The following TTC16 variants were observed in gnomAD, a reference collection of about 807,000 sequenced individuals.
TTC16 encodes tetratricopeptide repeat domain 16.
In TTC16, 66 loss-of-function variants were observed where a neutral mutation model predicts 80.4. The ratio of observed to expected loss-of-function variants is 0.82; its 90% CI spans 0.67 to 1.01. The LOEUF is 1.01. TTC16 is among the 50% of genes least tolerant of loss of function. The pLI is 0.00. For synonymous variants in TTC16, 438 were observed against 451.3 expected (o/e 0.97, Z 0.37); for missense variants, 1,070 against 1,103.2 (o/e 0.97, Z 0.43).
In TTC16 at chr9:127,722,293, A is replaced by G. The variant is rs1332482829; in HGVS notation, c.658-826A>G. On this transcript the variant is annotated intron_variant, in intron 6 of 13. Transcript: ENST00000373289. The surrounding 1 kb of genome is among the most constrained non-coding windows in gnomAD (Gnocchi z 4.2). Reference sequence around the variant, plus strand: ...CCTGCCAGCCAGTCACCCCGCAGGGAACAGGGTGTTGTTGAACTGTCTGTT... The same window carrying G: ...CCTGCCAGCCAGTCACCCCGCAGGGGACAGGGTGTTGTTGAACTGTCTGTT... Among the ~76,000 whole-genome samples the G allele has an allele frequency of 6.6e-6, 1 of 152,126 alleles. No individual in the cohort carries two copies. Among genetic ancestry groups the G allele is most frequent in the Non-Finnish European group, 1.5e-5 (1 of 68,020 alleles).
intron 12 of TTC16, 179 bp from the exon 13 acceptor site, chr9:127,729,402 G>A (rs972756875): frequency 5.2e-6 from 3 of 580,548 alleles, no homozygotes; most frequent in East Asian, 2.9e-5. Flanking sequence ...TAGCCTGGTC[G>A]CTCCCCTTCC....
chr9:127,727,025 G>C lies in TTC16; in HGVS notation c.1481G>C (p.Ser494Thr). The change falls in exon 11 of 14, where the codon AGC (serine) becomes ACC (threonine). Residue 494 changes from serine to threonine, a missense_variant. Transcript: ENST00000373289. ...FPGMSVEEVL[S>T]TQIAHLARLQ... is the part of the protein sequence containing the mutation. ...GGCATGTCGGTGGAGGAGGTGCTTA[G>C]CACCCAGATAGCCCACCTGGCCAGG... is the stretch of plus-strand genomic sequence containing the variant. 1 of 1,612,884 alleles carries C rather than the reference G, an allele frequency of 6.2e-7. No homozygotes were observed. Among genetic ancestry groups the C allele is most frequent in the Non-Finnish European group, 8.5e-7 (1 of 1,180,006 alleles).
chr9:127,717,114 T>G, intron 2 of TTC16, 98 bp downstream of exon 2: 1 of 1,462,634 alleles, frequency 6.8e-7, no homozygotes, highest in Non-Finnish European at 9.4e-7. Flanking sequence ...CAGGCCTCAG[T>G]GAACTCAACT....
At chr9:127,717,557 T>A in intron 3 of TTC16, 72 bp from the exon 4 acceptor site, 1 of 1,586,716 alleles carries the variant, frequency 6.3e-7, no homozygotes, top group Non-Finnish European at 8.6e-7. Flanking sequence ...CTCAGGGGGG[T>A]GGAGACTTTC....
chr9:127,723,075 C>A (rs773363628), intron 6 of TTC16, 44 bp from the exon 7 acceptor site: 3 of 1,592,838 alleles, frequency 1.9e-6, no homozygotes. Context: ...GGTCCCGTGG[C>A]TCAGTTGGTC....
intron 10 of TTC16, among the ~76,000 whole-genome samples, chr9:127,726,612 A>G (rs1190368493): frequency 6.6e-6 from 1 of 151,826 alleles, no homozygotes; most frequent in Non-Finnish European, 1.5e-5. Context: ...ACATGGTGAA[A>G]CCCCATCTCT....
At position 127,722,777 on chromosome 9, in the gene TTC16, A is replaced by T. The variant is rs907181106; in HGVS notation, c.658-342A>T. Among the ~76,000 whole-genome samples, 7 of 152,044 alleles carry T rather than the reference A, an allele frequency of 4.6e-5. No homozygotes were observed. The highest frequency in any genetic ancestry group is 1.7e-4 in the African/African-American group (7 of 41,384). On this transcript the variant is annotated intron_variant, in intron 6 of 13. Transcript: ENST00000373289. The surrounding 1 kb of genome is among the most constrained non-coding windows in gnomAD (Gnocchi z 4.2). ...TTGAGACCAGCCTGGCCAACATAGT[A>T]AAACCCCATCTCTACTAAAAAATAA... is the stretch of plus-strand genomic sequence containing the variant.
At chr9:127,717,551 G>C in intron 3 of TTC16, 78 bp from the exon 4 acceptor site, 1 of 1,584,524 alleles carries the variant, frequency 6.3e-7, no homozygotes, top group Non-Finnish European at 8.6e-7. Flanking sequence ...TCAACTCTCA[G>C]GGGGGTGGAG....
rs886565921 is a variant in TTC16, at chr9:127,727,275, T to C, written c.1574T>C (p.Leu525Pro). Reference protein sequence around the residue: ...AGSPQGIVGMLKRHELERQKA... With the variant: ...AGSPQGIVGMPKRHELERQKA... ...TGGGGGGTATCGTTTGGCAGGATGC[T>C]TAAACGGCACGAGTTGGAGCGCCAG... Residue 525 changes from leucine to proline, a missense_variant, in exon 12 of 14, where the codon CTT becomes CCT. Coordinates refer to ENST00000373289, the MANE Select transcript of TTC16 (RefSeq NM_144965.3). The C allele has an allele frequency of 6.4e-7, 1 of 1,561,404 alleles. No homozygotes were observed. Among genetic ancestry groups the C allele is most frequent in the Non-Finnish European group, 8.7e-7 (1 of 1,151,210 alleles).
chr9:127,724,374 G>T lies in TTC16; in HGVS notation c.1117+10G>T. On this transcript the variant is annotated intron_variant, in intron 8 of 13. Transcript: ENST00000373289. ...TACATCAACCGAGGCGGTGCGCAGCGACCAGGGCACTGGGGAGGGGGGGTG... is the reference window on the plus strand; with the variant it reads ...TACATCAACCGAGGCGGTGCGCAGCTACCAGGGCACTGGGGAGGGGGGGTG... 1 of 1,589,220 alleles carries T rather than the reference G, an allele frequency of 6.3e-7. No individual in the cohort carries two copies. The highest frequency in any genetic ancestry group is 1.1e-5 in the South Asian group (1 of 90,282).
chr9:127,727,000 G>A lies in TTC16; in HGVS notation c.1456G>A (p.Gly486Ser). ...CCTGCTGATGACCAACCTCTTCCCGGGCATGTCGGTGGAGGAGGTGCTTAG... is the reference window on the plus strand; with the variant it reads ...CCTGCTGATGACCAACCTCTTCCCGAGCATGTCGGTGGAGGAGGTGCTTAG... ...LSLLMTNLFP[G>S]MSVEEVLSTQ... The change falls in exon 11 of 14, where the codon GGC becomes AGC. Residue 486 changes from glycine (G) to serine (S), a missense_variant. Physicochemically the swap from Gly to Ser is moderately conservative, Grantham distance 56. Transcript: ENST00000373289. The A allele has an allele frequency of 4.3e-6, 7 of 1,613,156 alleles. No individual in the cohort carries two copies. Among genetic ancestry groups the A allele is most frequent in the Non-Finnish European group, 5.9e-6 (7 of 1,180,018 alleles).
intron 13 of TTC16, 173 bp from the exon 14 acceptor site, chr9:127,730,463 C>T: frequency 2.2e-6 from 2 of 919,784 alleles, no homozygotes; most frequent in Non-Finnish European, 3.2e-6. Context: ...CAGCCCCACC[C>T]CTCAGGGTCT....
In TTC16 at chr9:127,727,325, T is replaced by C. The variant is rs1349276840; in HGVS notation, c.1624T>C (p.Trp542Arg). 3.1e-6 allele frequency: 5 copies of C among 1,600,398 alleles called. No homozygotes were observed. Among genetic ancestry groups the C allele is most frequent in the East Asian group, 4.5e-5 (2 of 44,586 alleles). Residue 542 changes from tryptophan (W) to arginine (R), a missense_variant, in exon 12 of 14, where the codon TGG (tryptophan) becomes CGG (arginine). Physicochemically the swap from Trp to Arg is moderately radical, Grantham distance 101. Coordinates refer to ENST00000373289, the MANE Select transcript of TTC16 (RefSeq NM_144965.3). ...RQKALALQHSWKQGEPLIATS... is the reference protein window; with the variant it reads ...RQKALALQHSRKQGEPLIATS... Reference sequence around the variant, plus strand: ...GAAGGCCTTGGCCCTGCAGCACTCATGGAAGCAGGGGGAGCCTTTGATTGC... The same window carrying C: ...GAAGGCCTTGGCCCTGCAGCACTCACGGAAGCAGGGGGAGCCTTTGATTGC...
chr9:127,729,772 T>C (rs1844244895), intron 13 of TTC16, 104 bp downstream of exon 13: 1 of 1,025,464 alleles, frequency 9.8e-7, no homozygotes, highest in East Asian at 2.5e-5. Context: ...TCGGCCCCGC[T>C]GCTGACAGCT....
At chr9:127,719,914 C>G (rs1394565063) in intron 4 of TTC16, among the ~76,000 whole-genome samples, 164 bp from the exon 5 acceptor site, 1 of 152,220 alleles carries the variant, frequency 6.6e-6, no homozygotes, top group Non-Finnish European at 1.5e-5. Flanking sequence ...GTATCTCTCT[C>G]CATCTCTGTC....
intron 8 of TTC16, 32 bp from the exon 9 acceptor site, chr9:127,724,724 G>A: frequency 6.3e-7 from 1 of 1,597,286 alleles, no homozygotes. Flanking sequence ...CTGGGAGTTG[G>A]GGGTCCACTC....
At chr9:127,725,097 C>G (rs1456368614) in intron 9 of TTC16, among the ~76,000 whole-genome samples, 200 bp downstream of exon 9, 2 of 152,242 alleles carry the variant, frequency 1.3e-5, no homozygotes, top group Non-Finnish European at 2.9e-5. Flanking sequence ...AAACCCATCT[C>G]TATTAAAAAT....
At chr9:127,727,188 A>T in intron 11 of TTC16, 76 bp downstream of exon 11, 1 of 1,519,626 alleles carries the variant, frequency 6.6e-7, no homozygotes, top group Non-Finnish European at 8.8e-7. Context: ...CTCCAGCTGC[A>T]TGACGGGGCC....
Position 127,727,081 on chromosome 9 carries a change from C to T in TTC16, c.1537C>T (p.Leu513=), listed in dbSNP as rs1305768449. 9.9e-6 allele frequency: 16 copies of T among 1,609,848 alleles called. No individual in the cohort carries two copies. The highest frequency in any genetic ancestry group is 1.4e-5 in the Non-Finnish European group (16 of 1,178,292). ...LQLEQMVEGS[L]QAGSPQGIVG... ...GCTGGAGCAGATGGTGGAGGGCAGC[C>T]TGCAGGCCGGCAGCCCACAAGGCAT... Residue 513 remains leucine (L), a synonymous_variant, in exon 11 of 14, where the codon CTG becomes TTG. Coordinates refer to ENST00000373289, the MANE Select transcript of TTC16 (RefSeq NM_144965.3).
Sources: allele counts gnomAD v4.1 joint callset (sites outside exome capture counted in the v4.1 genomes callset), GRCh38; gene constraint gnomAD v4.1.1; non-coding constraint Gnocchi (gnomAD v3.1); transcripts MANE v1.5; gene names NCBI Gene and HGNC (gene_info 2026-07-23, HGNC 2026-07-21).